The following ZNF568 variants were observed in gnomAD, a reference collection of about 807,000 sequenced individuals.
The protein encoded by ZNF568 is p53 inhibitor of SCO2 activation.
Under a neutral mutation model 18.1 loss-of-function variants are expected in ZNF568, and 11 were observed. That is an observed-to-expected ratio of 0.61 (90% CI 0.38 to 1.00). The LOEUF (loss-of-function observed/expected upper bound fraction) is 1.00. ZNF568 is among the 50% of genes least tolerant of loss of function. ZNF568 has a pLI of 0.01. For synonymous variants in ZNF568, 213 were observed against 246.6 expected (o/e 0.86, Z 1.28); for missense variants, 639 against 768.2 (o/e 0.83, Z 1.99).
Position 36,950,287 on chromosome 19 carries a change from G to A in ZNF568, c.1134G>A (p.Thr378=), listed in dbSNP as rs1453512553. 9.3e-6 allele frequency: 15 copies of A among 1,613,766 alleles called. No individual in the cohort carries two copies. The highest frequency in any genetic ancestry group is 3.3e-5 in the Admixed American group (2 of 59,986). Residue 378 remains threonine (T), a synonymous_variant, in exon 7 of 7, where the codon ACG becomes ACA. Coordinates refer to ENST00000333987, the MANE Select transcript of ZNF568 (RefSeq NM_198539.4). ...CTTTTTCTCGAATGTCATCTGTTAC[G>A]CTACATATGAGAAGTCACACAGGGG... ...GRAFSRMSSV[T]LHMRSHTGEK...
At position 36,944,843 on chromosome 19, in the gene ZNF568, G is replaced by A. The variant is rs556937998; in HGVS notation, c.359-4669G>A. On this transcript the variant is annotated intron_variant, in intron 6 of 6. Coordinates refer to ENST00000333987, the MANE Select transcript of ZNF568 (RefSeq NM_198539.4). ...ACTAATAATAAAAAGACAACTAAACGTAATTTAAGATGTCTTTTGAGTTTT... is the reference window on the plus strand; with the variant it reads ...ACTAATAATAAAAAGACAACTAAACATAATTTAAGATGTCTTTTGAGTTTT... 1.4e-3 allele frequency among the ~76,000 whole-genome samples: 213 copies of A among 152,068 alleles called. 1 individual carries two copies. Among genetic ancestry groups the A allele is most frequent in the Non-Finnish European group, 2.3e-3 (153 of 67,980 alleles).
intron 6 of ZNF568, among the ~76,000 whole-genome samples, chr19:36,948,696 A>G (rs146537271): frequency 8.8e-6 from 1 of 113,004 alleles, no homozygotes; most frequent in African/African-American, 3.7e-5. Context: ...GATTTCCTAC[A>G]TAGATGATCA....
At chr19:36,990,227 G>C (rs1351641202) in intron 2 of ZNF568, among the ~76,000 whole-genome samples, 2 of 152,280 alleles carry the variant, frequency 1.3e-5, no homozygotes, top group Non-Finnish European at 2.9e-5. Flanking sequence ...TTGTGAGTCT[G>C]GATCTTTCTC....
intron 2 of ZNF568, among the ~76,000 whole-genome samples, chr19:36,985,109 G>T (rs532724646): frequency 1.3e-5 from 2 of 152,120 alleles, no homozygotes; most frequent in Admixed American, 6.5e-5. Context: ...CTGTACATCT[G>T]CTCATTTGTC....
At chr19:36,968,442 G>A (rs916713136) in intron 6 of ZNF568, among the ~76,000 whole-genome samples, 8 of 126,616 alleles carry the variant, frequency 6.3e-5, no homozygotes, top group South Asian at 2.5e-4. Context: ...GCGTGGTGGC[G>A]GGTGTCTGGA....
At chr19:36,934,185 T>G (rs1279226471) in intron 4 of ZNF568, among the ~76,000 whole-genome samples, 1 of 151,896 alleles carries the variant, frequency 6.6e-6, no homozygotes, top group Non-Finnish European at 1.5e-5. Context: ...TTGTCAATTT[T>G]TAGTTTTATT....
At position 36,922,831 on chromosome 19, in the gene ZNF568, A is replaced by G. The variant is rs766408556; in HGVS notation, c.61A>G (p.Met21Val). ...TGTGACAATGGAGCGTTTGAGCCAC[A>G]TGATGGAAAGGAAAGGTGAGGTGGC... ...SCVTMERLSH[M>V]MERKAWCSQE... The change falls in exon 3 of 7, where the codon ATG (methionine) becomes GTG (valine). Residue 21 changes from methionine to valine, a missense_variant. Met to Val is a conservative substitution (Grantham distance 21). Coordinates refer to ENST00000333987, the MANE Select transcript of ZNF568 (RefSeq NM_198539.4). 1 of 1,614,074 alleles carries G rather than the reference A, an allele frequency of 6.2e-7. No individual in the cohort carries two copies. Among genetic ancestry groups the G allele is most frequent in the Non-Finnish European group, 8.5e-7 (1 of 1,179,960 alleles).
downstream of ZNF568, among the ~76,000 whole-genome samples, chr19:36,957,271 G>T (rs565346652): frequency 1.4e-4 from 17 of 118,476 alleles, no homozygotes; most frequent in South Asian, 4.6e-3. Flanking sequence ...CTGCTCTGTC[G>T]CCCAGGCTGG....
chr19:36,993,261 A>C (rs577523146), intron 4 of ZNF568, among the ~76,000 whole-genome samples: 77 of 152,218 alleles, frequency 5.1e-4, no homozygotes, highest in African/African-American at 1.8e-3. Flanking sequence ...TAACTTTTGG[A>C]TGTTGAACCT....
chr19:36,955,061 T>C (rs1300250919), downstream of ZNF568, among the ~76,000 whole-genome samples: 4 of 151,944 alleles, frequency 2.6e-5, no homozygotes, highest in Non-Finnish European at 5.9e-5. Context: ...TGTATTTTCA[T>C]AGAGACAGGG....
At chr19:36,988,756 A>C (rs2074398298) in intron 2 of ZNF568, among the ~76,000 whole-genome samples, 1 of 152,116 alleles carries the variant, frequency 6.6e-6, no homozygotes, top group South Asian at 2.1e-4. Context: ...TATGGGGTAC[A>C]ATTTGATGTT....
chr19:36,952,139 T>TAG lies in ZNF568; in HGVS notation c.*1052_*1053insGA. 4 of 494,416 alleles carry TAG rather than the reference T, an allele frequency of 8.1e-6. No homozygotes were observed. Among genetic ancestry groups the TAG allele is most frequent in the Non-Finnish European group, 1.0e-5 (4 of 386,786 alleles). 30.6% of individuals were successfully genotyped at this position (494,416 alleles called of 1,614,324 possible). A position where few individuals can be genotyped will look rare whatever the true frequency, so the allele number is the denominator to read the frequency against. On this transcript the variant is annotated 3_prime_UTR_variant, in exon 7 of 7. Transcript: ENST00000333987. ...ACAAATAATGCATAAGAAATATATA[T>TAG]ATAATATATGTATGTATGTATAGCC...
downstream of ZNF568, chr19:36,952,753 G>C (rs185917456): frequency 9.1e-5 from 62 of 684,304 alleles, no homozygotes; most frequent in African/African-American, 1.2e-3. Context: ...ATGTTTACTT[G>C]TAATAGTGTT....
At chr19:36,932,209 CAT>C (rs1491585026) in intron 4 of ZNF568, among the ~76,000 whole-genome samples, 3 of 152,114 alleles carry the variant, frequency 2.0e-5, no homozygotes, top group African/African-American at 7.2e-5. Context: ...TTTATGTGGT[CAT>C]ATGTTTTCAC....
rs754065430 is a variant in ZNF568 at position 36,922,832 on chromosome 19, T to A, written c.62T>A (p.Met21Lys). Residue 21 changes from methionine (M) to lysine (K), a missense_variant, in exon 3 of 7, where the codon ATG (methionine) becomes AAG (lysine). Transcript: ENST00000333987. ...SCVTMERLSH[M>K]MERKAWCSQE... ...GTGACAATGGAGCGTTTGAGCCACATGATGGAAAGGAAAGGTGAGGTGGCT... is the reference window on the plus strand; with the variant it reads ...GTGACAATGGAGCGTTTGAGCCACAAGATGGAAAGGAAAGGTGAGGTGGCT... 6.2e-7 allele frequency: 1 copy of A among 1,613,916 alleles called. No homozygotes were observed.
intron 4 of ZNF568, among the ~76,000 whole-genome samples, chr19:36,994,095 A>G (rs367715267): frequency 6.7e-6 from 1 of 149,550 alleles, no homozygotes; most frequent in African/African-American, 2.5e-5. Flanking sequence ...GCTGCATTTC[A>G]TAAGTTTTGG....
chr19:36,968,601 T>C, intron 6 of ZNF568, among the ~76,000 whole-genome samples: 1 of 150,246 alleles, frequency 6.7e-6, no homozygotes, highest in Non-Finnish European at 1.5e-5. Flanking sequence ...AAAGAGGAGA[T>C]TCATATGGTC....
downstream of ZNF568, among the ~76,000 whole-genome samples, chr19:36,980,930 T>A (rs541028647): frequency 1.6e-4 from 24 of 152,244 alleles, no homozygotes; most frequent in African/African-American, 5.8e-4. Flanking sequence ...CAAGCCCTAG[T>A]CATCTCATGA....
At position 36,920,149 on chromosome 19, in the gene ZNF568, A is replaced by G. The variant is rs921572203; in HGVS notation, c.-185-2437A>G. The stretch of plus-strand genomic sequence containing the variant: ...AAAGCCAGCACCAATGATCCTGGAC[A>G]CTGTGTAGGCCTAGGCTAATGGGTG... On this transcript the variant is annotated intron_variant, in intron 2 of 6. Coordinates refer to ENST00000333987, the MANE Select transcript of ZNF568 (RefSeq NM_198539.4). Among the ~76,000 whole-genome samples, 22 of 152,260 alleles carry G rather than the reference A, an allele frequency of 1.4e-4. No homozygotes were observed. In the East Asian group the frequency reaches 3.7e-3, roughly 25 times the overall value.
Sources: gnomAD v4.1 joint callset for allele counts (sites outside exome capture counted in the v4.1 genomes callset) on GRCh38, gnomAD v4.1.1 for gene constraint, MANE v1.5 for transcripts, NCBI Gene and HGNC (gene_info 2026-07-23, HGNC 2026-07-21) for gene names.